Variants in ARB2A observed in about 807,000 individuals in gnomAD.
The protein encoded by ARB2A is ARB2 cotranscriptional regulator A.
At chr5:93,877,055 T>C in the ARB2A span, among the ~76,000 whole-genome samples, 1 of 152,206 alleles carries the variant, frequency 6.6e-6, no homozygotes, top group South Asian at 2.1e-4. Flanking sequence ...CTAAGATTTC[T>C]ATTCTGTAAA....
chr5:93,827,130 C>G, the ARB2A span, among the ~76,000 whole-genome samples: 1 of 152,082 alleles, frequency 6.6e-6, no homozygotes, highest in Non-Finnish European at 1.5e-5. Context: ...ATGGCTGGGT[C>G]AAATGGTATT....
At chr5:94,089,793 A>G in the ARB2A span, among the ~76,000 whole-genome samples, 1 of 152,332 alleles carries the variant, frequency 6.6e-6, no homozygotes, top group Admixed American at 6.5e-5. Context: ...GAGCTCTTTC[A>G]CAATTCTGGT....
At chr5:93,845,679 T>C in the ARB2A span, among the ~76,000 whole-genome samples, 1 of 152,200 alleles carries the variant, frequency 6.6e-6, no homozygotes, top group Non-Finnish European at 1.5e-5. Context: ...AAGACTGATC[T>C]GGCTACTGCC....
At chr5:93,793,840 C>A in the ARB2A span, among the ~76,000 whole-genome samples, 67 of 152,188 alleles carry the variant, frequency 4.4e-4, 1 homozygote, top group African/African-American at 1.5e-3. Context: ...GGTCCCATTA[C>A]AGACTTGCAT....
the ARB2A span, among the ~76,000 whole-genome samples, chr5:93,959,649 G>C: frequency 1.3e-5 from 2 of 151,992 alleles, no homozygotes; most frequent in African/African-American, 4.8e-5. Flanking sequence ...TGTGAACACA[G>C]GATTATATAA....
At chr5:93,870,134 G>A in the ARB2A span, among the ~76,000 whole-genome samples, 2 of 152,204 alleles carry the variant, frequency 1.3e-5, no homozygotes, top group Non-Finnish European at 2.9e-5. Flanking sequence ...TGTTGGAAGT[G>A]GATCAGTAGA....
chr5:93,740,904 T>G, the ARB2A span: 6 of 1,613,980 alleles, frequency 3.7e-6, 1 homozygote, highest in South Asian at 5.5e-5. Context: ...TGTTTCCGAT[T>G]CGTCGCTCTC....
the ARB2A span, among the ~76,000 whole-genome samples, chr5:93,952,648 T>G: frequency 6.6e-6 from 1 of 152,194 alleles, no homozygotes; most frequent in African/African-American, 2.4e-5. Context: ...TGTATTCTTC[T>G]TTGGGTTAAA....
At chr5:93,832,121 C>A in the ARB2A span, among the ~76,000 whole-genome samples, 1 of 152,110 alleles carries the variant, frequency 6.6e-6, no homozygotes, top group Non-Finnish European at 1.5e-5. Flanking sequence ...GCACCAGACA[C>A]TACTTTTTAG....
the ARB2A span, among the ~76,000 whole-genome samples, chr5:93,835,383 C>T: frequency 6.6e-6 from 1 of 152,228 alleles, no homozygotes; most frequent in East Asian, 1.9e-4. Context: ...CACATATTTT[C>T]TGAACCATTG....
the ARB2A span, among the ~76,000 whole-genome samples, chr5:93,954,814 T>C: frequency 6.6e-6 from 1 of 152,156 alleles, no homozygotes; most frequent in Non-Finnish European, 1.5e-5. Flanking sequence ...TGAGGCTTGC[T>C]GGAACTCAGG....
the ARB2A span, among the ~76,000 whole-genome samples, chr5:93,645,576 GAAA>G: frequency 2.2e-5 from 2 of 90,114 alleles, no homozygotes; most frequent in South Asian, 3.7e-4. Context: ...CCGTCTCAAA[GAAA>G]AAAAAAAAAA....
chr5:93,866,013 T>A, the ARB2A span: 1 of 985,244 alleles, frequency 1.0e-6, no homozygotes, highest in South Asian at 4.7e-5. Flanking sequence ...AAAAGTATAA[T>A]TAAGAGAAAA....
the ARB2A span, among the ~76,000 whole-genome samples, chr5:93,638,120 C>A: frequency 6.6e-6 from 1 of 152,174 alleles, no homozygotes; most frequent in Admixed American, 6.5e-5. Flanking sequence ...TTGGAACTTT[C>A]CTAAACATTG....
the ARB2A span, among the ~76,000 whole-genome samples, chr5:93,945,879 C>G: frequency 3.3e-5 from 5 of 152,078 alleles, no homozygotes; most frequent in Non-Finnish European, 7.4e-5. Context: ...CACTTCTTAA[C>G]ACCAGGGAGA....
the ARB2A span, among the ~76,000 whole-genome samples, chr5:93,770,859 A>T: frequency 6.6e-6 from 1 of 152,160 alleles, no homozygotes; most frequent in Admixed American, 6.5e-5. Flanking sequence ...AATCAATATC[A>T]TGAAAGTGGC....
At chr5:93,695,459 G>T in the ARB2A span, among the ~76,000 whole-genome samples, 2 of 152,190 alleles carry the variant, frequency 1.3e-5, no homozygotes, top group Non-Finnish European at 2.9e-5. Flanking sequence ...GGTCATTAGA[G>T]AAATGCAAAT....
chr5:93,802,217 G>GT, the ARB2A span, among the ~76,000 whole-genome samples: 1 of 151,924 alleles, frequency 6.6e-6, no homozygotes, highest in Non-Finnish European at 1.5e-5. Flanking sequence ...GACAAATTAG[G>GT]TATCTAGAGA....
chr5:93,739,925 C>A, the ARB2A span: 1 of 145,602 alleles, frequency 6.9e-6, no homozygotes, highest in African/African-American at 2.6e-5. Context: ...TCCCATGGGA[C>A]TACATAAAGT....
Sources: allele counts gnomAD v4.1 joint callset (sites outside exome capture counted in the v4.1 genomes callset), GRCh38; gene constraint gnomAD v4.1.1; transcripts MANE v1.5; gene names NCBI Gene and HGNC (gene_info 2026-07-23, HGNC 2026-07-21).